Variants in B4GALT3 observed in about 807,000 individuals in gnomAD.
B4GALT3 encodes the protein beta-1,4-galactosyltransferase 3, also known as N-acetyllactosamine synthase.
Under a neutral mutation model 40.7 loss-of-function variants are expected in B4GALT3, and 29 were observed. That is an observed-to-expected ratio of 0.71 (90% confidence interval 0.53 to 0.97). The LOEUF (loss-of-function observed/expected upper bound fraction) is 0.97, where lower values mean the gene tolerates loss of function less well. Among genes scored for constraint, B4GALT3 ranks in the 50% least tolerant of loss-of-function variants. The pLI, the probability that B4GALT3 is intolerant of heterozygous loss-of-function variation, is 0.00. For synonymous variants in B4GALT3, 182 were observed against 203.9 expected, an observed-to-expected ratio of 0.89 and a Z score of 0.92; for missense variants, 390 against 522.3, an observed-to-expected ratio of 0.75 and a Z score of 2.47.
intron 4 of B4GALT3, 58 bp downstream of exon 4, chr1:161,174,935 T>A (rs766261366): frequency 6.5e-7 from 1 of 1,548,812 alleles, no homozygotes; most frequent in East Asian, 2.2e-5. Flanking sequence ...TGAAGTGGCA[T>A]GTGCTTGAGG....
chr1:161,177,192 G>C (rs1195361968), intron 1 of B4GALT3: 2 of 952,104 alleles, frequency 2.1e-6, no homozygotes, highest in East Asian at 5.3e-5. Flanking sequence ...GGTCCGCGCT[G>C]TGGAGGGGGT....
intron 3 of B4GALT3, 101 bp from the exon 4 acceptor site, chr1:161,175,329 G>C (rs1571514687): frequency 9.5e-7 from 1 of 1,048,748 alleles, no homozygotes; most frequent in East Asian, 2.6e-5. Flanking sequence ...CTGGTTCTGG[G>C]GCTTAGTTCT....
chr1:161,174,499 T>A (rs1214455017), intron 4 of B4GALT3, among the ~76,000 whole-genome samples: 1 of 152,220 alleles, frequency 6.6e-6, no homozygotes, highest in Admixed American at 6.5e-5. Flanking sequence ...ACTATCTTTT[T>A]CATTTTTCCA....
Position 161,175,956 on chromosome 1 carries a change from A to G in B4GALT3, c.105T>C (p.Ser35=), listed in dbSNP as rs1445928796. ...YLSLGGFRSL[S]ALFGRDQGPT... ...GTCCCTGATCTCGGCCAAATAGGGC[A>G]CTGAGACTTCGGAAGCCCCCCAGTG... Residue 35 remains serine, a synonymous_variant, in exon 3 of 8, where the codon AGT becomes AGC. Transcript: ENST00000319769. The G allele has an allele frequency of 1.2e-6, 2 of 1,614,180 alleles. No individual in the cohort carries two copies. The highest frequency in any genetic ancestry group is 1.3e-5 in the African/African-American group (1 of 75,052).
Position 161,173,637 on chromosome 1 carries a change from G to A in B4GALT3, c.771C>T (p.Gly257=). The part of the protein sequence containing the change: ...KMNGFPNEYW[G]WGGEDDDIAT... ...CAATGTCGTCATCCTCACCACCCCA[G>A]CCCCAGTATTCATTGGGGAAGCCAT... Residue 257 remains glycine, a synonymous_variant, in exon 6 of 8, where the codon GGC becomes GGT. Transcript: ENST00000319769. 2 of 1,614,138 alleles carry A rather than the reference G, an allele frequency of 1.2e-6. No homozygotes were observed. Among genetic ancestry groups the A allele is most frequent in the South Asian group, 1.1e-5 (1 of 91,076 alleles).
At chr1:161,176,831 A>C in intron 1 of B4GALT3, 1 of 1,532,824 alleles carries the variant, frequency 6.5e-7, no homozygotes, top group Non-Finnish European at 8.7e-7. Context: ...AGCTAATGGA[A>C]ACATTGTTTT....
In B4GALT3 at chr1:161,176,064, G is replaced by T. The variant is rs745810196; in HGVS notation, c.-4C>A. The T allele has an allele frequency of 6.2e-7, 1 of 1,613,924 alleles. No individual in the cohort carries two copies. Among genetic ancestry groups the T allele is most frequent in the South Asian group, 1.1e-5 (1 of 91,076 alleles). The stretch of plus-strand genomic sequence containing the variant: ...GCTCCAGCAGCCTCCGCAACATCCT[G>T]GGGGTGAGATCTAGGGAGGGAGAGG... On this transcript the variant is annotated 5_prime_UTR_variant, in exon 3 of 8. Transcript: ENST00000319769.
At chr1:161,176,102 G>T in intron 2 of B4GALT3, 28 bp from the exon 3 acceptor site, 1 of 1,609,348 alleles carries the variant, frequency 6.2e-7, no homozygotes, top group Non-Finnish European at 8.5e-7. Flanking sequence ...AATTCTGGGG[G>T]TAGGCAGGAA....
chr1:161,177,603 G>A (rs74124653), upstream of B4GALT3: 688 of 159,086 alleles, frequency 4.3e-3, 8 homozygotes, highest in African/African-American at 0.016. Flanking sequence ...GGGCTTGTGA[G>A]GGAGCAGCGC....
In B4GALT3 at chr1:161,172,100, G is replaced by T. The variant is rs781536903; in HGVS notation, c.909-11C>A. 1.8e-5 allele frequency: 29 copies of T among 1,613,154 alleles called. No individual in the cohort carries two copies. Among genetic ancestry groups the T allele is most frequent in the Admixed American group, 6.7e-5 (4 of 60,000 alleles). On this transcript the variant is annotated splice_polypyrimidine_tract_variant and intron_variant, in intron 7 of 7. Transcript: ENST00000319769. ...ACCAGGAGGTCAAATCTGAGGGTTA[G>T]AGGTTGGAGACTAAGACCCAGAAAG...
Position 161,171,771 on chromosome 1 carries a change from C to T in B4GALT3, c.*45G>A. 1.9e-6 allele frequency: 3 copies of T among 1,603,398 alleles called. No homozygotes were observed. The highest frequency in any genetic ancestry group is 8.5e-7 in the Non-Finnish European group (1 of 1,172,788). ...GGAGCTGAGGGTGGGGAGAATACAA[C>T]CCCATGAATTCGGTTTCATGATTAA... On this transcript the variant is annotated 3_prime_UTR_variant, in exon 8 of 8. Coordinates refer to ENST00000319769, the MANE Select transcript of B4GALT3 (RefSeq NM_003779.4).
chr1:161,173,484 A>G, intron 6 of B4GALT3, 121 bp downstream of exon 6: 3 of 1,405,632 alleles, frequency 2.1e-6, no homozygotes, highest in Non-Finnish European at 3.0e-6. Context: ...AGGGAAAGGA[A>G]TGGGCTCAGT....
chr1:161,176,383 G>A, intron 2 of B4GALT3, 51 bp downstream of exon 2: 1 of 449,080 alleles, frequency 2.2e-6, no homozygotes, highest in Non-Finnish European at 4.0e-6. Context: ...ATTTCAGAAA[G>A]TCTCTAGAGA....
chr1:161,173,722 G>A lies in B4GALT3; in HGVS notation c.686C>T (p.Pro229Leu), dbSNP rs747642368. 1.4e-5 allele frequency: 22 copies of A among 1,613,970 alleles called. No individual in the cohort carries two copies. Among genetic ancestry groups the A allele is most frequent in the Non-Finnish European group, 1.7e-5 (20 of 1,180,014 alleles). ...GACTCCTCCGAAGTACTGGGGGTAC[G>A]GGAGGCTAGGGAGAGAAAGATCCTT... Reference protein sequence around the residue: ...VAMNKFGYSLPYPQYFGGVSA... With the variant: ...VAMNKFGYSLLYPQYFGGVSA... Residue 229 changes from proline to leucine, a missense_variant, in exon 6 of 8, where the codon CCG becomes CTG. Physicochemically the swap from Pro to Leu is moderately conservative, Grantham distance 98. Around this residue, in one of 3 missense-constraint regions of B4GALT3, gnomAD observed 135 missense variants for 227.8 expected, o/e 0.59. Coordinates refer to ENST00000319769, the MANE Select transcript of B4GALT3 (RefSeq NM_003779.4).
rs1055874805 is a variant in B4GALT3, at chr1:161,171,358, T to C, written c.*458A>G. 23 of 1,084,912 alleles carry C rather than the reference T, an allele frequency of 2.1e-5. No homozygotes were observed. Among genetic ancestry groups the C allele is most frequent in the African/African-American group, 4.7e-5 (3 of 63,772 alleles). 67.2% of individuals were successfully genotyped at this position (1,084,912 alleles called of 1,614,324 possible). A position where few individuals can be genotyped will look rare whatever the true frequency, so the allele number is the denominator to read the frequency against. On this transcript the variant is annotated 3_prime_UTR_variant, in exon 8 of 8. Transcript: ENST00000319769. ...AAAATATATCAAAATCCCAGCCCCC[T>C]GAGCCAGGACCAGAAGAGGGAGCTA...
chr1:161,171,742 G>A lies in B4GALT3; in HGVS notation c.*74C>T, dbSNP rs1394212563. On this transcript the variant is annotated 3_prime_UTR_variant, in exon 8 of 8. Coordinates refer to ENST00000319769, the MANE Select transcript of B4GALT3 (RefSeq NM_003779.4). Reference sequence around the variant, plus strand: ...GTTCCCTCACATCCCTCTGAGAACAGTGAGGAGCTGAGGGTGGGGAGAATA... The same window carrying A: ...GTTCCCTCACATCCCTCTGAGAACAATGAGGAGCTGAGGGTGGGGAGAATA... 1.9e-6 allele frequency: 3 copies of A among 1,556,210 alleles called. No individual in the cohort carries two copies. Among genetic ancestry groups the A allele is most frequent in the African/African-American group, 1.4e-5 (1 of 73,828 alleles).
At chr1:161,174,418 GAAA>G (rs925363770) in intron 4 of B4GALT3, among the ~76,000 whole-genome samples, 2 of 148,818 alleles carry the variant, frequency 1.3e-5, no homozygotes, top group Non-Finnish European at 3.0e-5. Flanking sequence ...AAAAAAAAAA[GAAA>G]AAAAAGAATA....
chr1:161,173,768 G>A (rs750645787), intron 5 of B4GALT3, 41 bp from the exon 6 acceptor site: 2 of 1,613,068 alleles, frequency 1.2e-6, no homozygotes, highest in Admixed American at 3.3e-5. Context: ...AGTCTTCTGG[G>A]GACACATCCC....
rs369129551 is a variant in B4GALT3, at chr1:161,174,420, A to T, written c.490-371T>A. On this transcript the variant is annotated intron_variant, in intron 4 of 7. Coordinates refer to ENST00000319769, the MANE Select transcript of B4GALT3 (RefSeq NM_003779.4). ...GAGATCTCAAAAAAAAAAAAAAAGA[A>T]AAAAAAGAATAAAAGTGAAAAGAGG... Among the ~76,000 whole-genome samples the T allele has an allele frequency of 2.6e-5, 4 of 152,118 alleles. No homozygotes were observed. In the South Asian group the frequency reaches 6.2e-4, roughly 24 times the overall value.
Sources: allele counts gnomAD v4.1 joint callset (sites outside exome capture counted in the v4.1 genomes callset), GRCh38; gene constraint gnomAD v4.1.1; regional missense constraint gnomAD v4.1.1; transcripts MANE v1.5; gene names NCBI Gene and HGNC (gene_info 2026-07-23, HGNC 2026-07-21).